RGP1: variants seen among roughly 807,000 people sequenced by gnomAD.
The protein encoded by RGP1 is RAB6A-GEF complex partner protein 2.
Under a neutral mutation model 44.5 loss-of-function variants are expected in RGP1, and 28 were observed. The observed-to-expected ratio is 0.63, with a 90% CI of 0.47 to 0.86. RGP1 has a LOEUF of 0.86. Ranked by LOEUF, RGP1 falls within the 40% of genes least tolerant of loss-of-function variation. RGP1 has a pLI of 0.00. For missense variants in RGP1, 417 were observed against 490.7 expected, an observed-to-expected ratio of 0.85 and a Z score of 1.42; for synonymous variants, 212 against 196.7, an observed-to-expected ratio of 1.08 and a Z score of -0.65.
intron 2 of RGP1, 57 bp from the exon 3 acceptor site, chr9:35,750,186 G>A: frequency 1.3e-6 from 2 of 1,574,434 alleles, no homozygotes; most frequent in Non-Finnish European, 1.7e-6. Flanking sequence ...GGGAGCTTGG[G>A]AAAGCATTTG....
downstream of RGP1, among the ~76,000 whole-genome samples, chr9:35,759,869 T>G (rs1410444375): frequency 6.6e-6 from 1 of 151,966 alleles, no homozygotes; most frequent in Non-Finnish European, 1.5e-5. Context: ...AGATCTACAC[T>G]TGATGAATCC....
At chr9:35,761,704 A>C (rs571308470), downstream of RGP1, among the ~76,000 whole-genome samples, 19 of 152,136 alleles carry the variant, frequency 1.2e-4, no homozygotes, top group African/African-American at 2.7e-4. Context: ...AAAAAACCCC[A>C]AAAAAACAAA....
Position 35,758,198 on chromosome 9 carries a change from A to C in RGP1, c.*5324A>C, listed in dbSNP as rs531267214. Reference sequence around the variant, plus strand: ...AACCTGCCCTTTATATTTTGAACCAAATAAAACATTTCTTGGAATGGGAGC... The same window carrying C: ...AACCTGCCCTTTATATTTTGAACCACATAAAACATTTCTTGGAATGGGAGC... On this transcript the variant is annotated 3_prime_UTR_variant, in exon 9 of 9. Coordinates refer to ENST00000378078, the MANE Select transcript of RGP1 (RefSeq NM_001080496.3). The C allele has an allele frequency of 9.2e-5, 14 of 152,278 alleles. No homozygotes were observed. The South Asian group carries it at 2.9e-3, about 32-fold the overall frequency. 9.4% of individuals were successfully genotyped at this position (152,278 alleles called of 1,614,324 possible). A position where few individuals can be genotyped will look rare whatever the true frequency, so the allele number is the denominator to read the frequency against.
In RGP1 at chr9:35,749,321, C is replaced by CGCA. The variant is rs553626851; in HGVS notation, c.-105_-104insAGC. On this transcript the variant is annotated 5_prime_UTR_variant, in exon 1 of 9. Transcript: ENST00000378078. This position sits in a 1 kb window ranked among gnomAD's most constrained non-coding sequence, Gnocchi z 4.4. ...TCTACCGCCCAGCGGACGCCGCCGC[C>CGCA]GCCGCCGCCGCCGCGTACCTAGCCA... The CGCA allele has an allele frequency of 2.2e-4, 114 of 526,174 alleles. No individual in the cohort carries two copies. Among genetic ancestry groups the CGCA allele is most frequent in the African/African-American group, 2.1e-3 (110 of 51,916 alleles). The allele number at this position is 526,174 out of a possible 1,614,324, so 32.6% of individuals were successfully genotyped here.
Position 35,749,918 on chromosome 9 carries a change from A to G in RGP1, c.116+47A>G. ...GTGGTGGCCCTTCTGGGAAGAAGCC[A>G]GATTATCTCTGGGGCTGAGGCAGAG... On this transcript the variant is annotated intron_variant, in intron 2 of 8. Coordinates refer to ENST00000378078, the MANE Select transcript of RGP1 (RefSeq NM_001080496.3). This position sits in a 1 kb window ranked among gnomAD's most constrained non-coding sequence, Gnocchi z 4.4. 7.1e-7 allele frequency: 1 copy of G among 1,408,720 alleles called. No homozygotes were observed. Among genetic ancestry groups the G allele is most frequent in the Non-Finnish European group, 1.0e-6 (1 of 1,000,722 alleles). The allele number at this position is 1,408,720 out of a possible 1,614,324, so 87.3% of individuals were successfully genotyped here.
At chr9:35,780,046 ATT>A in the RGP1 span, among the ~76,000 whole-genome samples, 1 of 152,332 alleles carries the variant, frequency 6.6e-6, no homozygotes, top group Non-Finnish European at 1.5e-5. Context: ...GAAAGATAGC[ATT>A]TTGACATCTG....
rs763981574 is a variant in RGP1 at position 35,751,720 on chromosome 9, T to G, written c.728T>G (p.Leu243Ter). The G allele has an allele frequency of 6.2e-7, 1 of 1,613,898 alleles. No homozygotes were observed. The highest frequency in any genetic ancestry group is 1.1e-5 in the South Asian group (1 of 91,084). Residue 243 changes from leucine (L) to a stop codon, truncating the protein, a stop_gained, in exon 7 of 9, where the codon TTA (leucine) becomes TGA (stop). Coordinates refer to ENST00000378078, the MANE Select transcript of RGP1 (RefSeq NM_001080496.3). LOFTEE classifies it high-confidence loss of function. ...YRLGEDVVGT[L>*]NLGEGTVACL... Reference sequence around the variant, plus strand: ...CTTGGCGAGGACGTGGTGGGGACCTTAAACTTAGGGGAAGGAACCGTAGCT... The same window carrying G: ...CTTGGCGAGGACGTGGTGGGGACCTGAAACTTAGGGGAAGGAACCGTAGCT...
chr9:35,758,939 T>C (rs1827394719), downstream of RGP1, among the ~76,000 whole-genome samples: 1 of 152,228 alleles, frequency 6.6e-6, no homozygotes, highest in Admixed American at 6.5e-5. Context: ...GGCTTGATTG[T>C]TTATTCTGCA....
At position 35,751,354 on chromosome 9, in the gene RGP1, A is replaced by G. The variant is rs2132033746; in HGVS notation, c.576A>G (p.Ser192=). ...AGGATGAAGGTGGGAAGAAAGATTC[A>G]TGGCTAGCTGAGCTGGCTGGGGAAC... ...LEEDEGGKKD[S]WLAELAGERL... The change falls in exon 6 of 9, where the codon TCA becomes TCG. Residue 192 remains serine (S), a synonymous_variant. Coordinates refer to ENST00000378078, the MANE Select transcript of RGP1 (RefSeq NM_001080496.3). The G allele has an allele frequency of 6.2e-7, 1 of 1,613,936 alleles. No homozygotes were observed. The highest frequency in any genetic ancestry group is 8.5e-7 in the Non-Finnish European group (1 of 1,179,874).
rs1036871868 is a variant in RGP1 at position 35,758,476 on chromosome 9, G to A, written c.*5602G>A. 6.6e-6 allele frequency: 1 copy of A among 152,088 alleles called. No individual in the cohort carries two copies. The highest frequency in any genetic ancestry group is 1.5e-5 in the Non-Finnish European group (1 of 68,028). 9.4% of individuals were successfully genotyped at this position (152,088 alleles called of 1,614,324 possible). Reference sequence around the variant, plus strand: ...AATTCTGCCATGATCCTTATGATCTGTGTTATGTTGGGCCAAAGGTGATTA... The same window carrying A: ...AATTCTGCCATGATCCTTATGATCTATGTTATGTTGGGCCAAAGGTGATTA... On this transcript the variant is annotated 3_prime_UTR_variant, in exon 9 of 9. Coordinates refer to ENST00000378078, the MANE Select transcript of RGP1 (RefSeq NM_001080496.3).
chr9:35,785,197 A>T, the RGP1 span, among the ~76,000 whole-genome samples: 2 of 152,180 alleles, frequency 1.3e-5, no homozygotes. Context: ...CTCAGGCAGA[A>T]CAGTTTTGGG....
At chr9:35,768,300 G>T in the RGP1 span, among the ~76,000 whole-genome samples, 9 of 152,050 alleles carry the variant, frequency 5.9e-5, no homozygotes, top group African/African-American at 1.9e-4. Flanking sequence ...GAGCTCAAGC[G>T]ATCCACCCAC....
rs1427560097 is a variant in RGP1 at position 35,752,154 on chromosome 9, C to T, written c.952+9C>T. 2 of 1,538,260 alleles carry T rather than the reference C, an allele frequency of 1.3e-6. No homozygotes were observed. Among genetic ancestry groups the T allele is most frequent in the Non-Finnish European group, 1.7e-6 (2 of 1,144,400 alleles). ...CTTCTGTACAGCCATTGGTGAGACC[C>T]TCACTGTTACTGGAGAAGGGAGAGG... On this transcript the variant is annotated intron_variant, in intron 8 of 8. Transcript: ENST00000378078.
At position 35,753,783 on chromosome 9, in the gene RGP1, G is replaced by A; in HGVS notation, c.*909G>A. ...GTGACAGGGGGCTAGGGAAGAACGGGAAATGTTAGTAGGTGTAGGAGTGCT... is the reference window on the plus strand; with the variant it reads ...GTGACAGGGGGCTAGGGAAGAACGGAAAATGTTAGTAGGTGTAGGAGTGCT... On this transcript the variant is annotated 3_prime_UTR_variant, in exon 9 of 9. Transcript: ENST00000378078. This position sits in a 1 kb window ranked among gnomAD's most constrained non-coding sequence, Gnocchi z 4.2. The A allele has an allele frequency of 2.5e-6, 4 of 1,609,370 alleles. No individual in the cohort carries two copies. Among genetic ancestry groups the A allele is most frequent in the Non-Finnish European group, 3.4e-6 (4 of 1,175,782 alleles).
In RGP1 at chr9:35,753,747, T is replaced by C. The variant is rs745500055; in HGVS notation, c.*873T>C. The C allele has an allele frequency of 1.5e-5, 24 of 1,613,884 alleles. No homozygotes were observed. Among genetic ancestry groups the C allele is most frequent in the Non-Finnish European group, 1.7e-5 (20 of 1,179,972 alleles). ...CCAAGACTCACCCAGGGTAAAATAT[T>C]TCCCCTCATAGTGACAGGGGGCTAG... On this transcript the variant is annotated 3_prime_UTR_variant, in exon 9 of 9. Transcript: ENST00000378078. The surrounding 1 kb of genome is among the most constrained non-coding windows in gnomAD (Gnocchi z 4.2).
rs1208965821 is a variant in RGP1 at position 35,753,275 on chromosome 9, T to A, written c.*401T>A. 2 of 1,613,440 alleles carry A rather than the reference T, an allele frequency of 1.2e-6. No individual in the cohort carries two copies. Among genetic ancestry groups the A allele is most frequent in the African/African-American group, 1.3e-5 (1 of 74,912 alleles). On this transcript the variant is annotated 3_prime_UTR_variant, in exon 9 of 9. Transcript: ENST00000378078. This position sits in a 1 kb window ranked among gnomAD's most constrained non-coding sequence, Gnocchi z 4.2. ...CCCAGCCGGGAAGTCGATGGGATGC[T>A]GGGACCTGGGGAACCAAGGATAGGG...
At chr9:35,776,789 A>T in the RGP1 span, among the ~76,000 whole-genome samples, 2 of 151,594 alleles carry the variant, frequency 1.3e-5, no homozygotes, top group African/African-American at 4.8e-5. Flanking sequence ...AGGTCAGGAG[A>T]TCGAGACCAT....
chr9:35,750,498 A>T, intron 3 of RGP1, 119 bp downstream of exon 3: 4 of 1,348,158 alleles, frequency 3.0e-6, no homozygotes, highest in South Asian at 2.6e-5. Context: ...CATGCTGGGG[A>T]TGTTGGGGAG....
rs758169456 is a variant in RGP1 at position 35,749,730 on chromosome 9, C to T, written c.-19-7C>T. On this transcript the variant is annotated splice_polypyrimidine_tract_variant and splice_region_variant and intron_variant, in intron 1 of 8. Transcript: ENST00000378078. This position sits in a 1 kb window ranked among gnomAD's most constrained non-coding sequence, Gnocchi z 4.4. ...GCTGACCTCCGCCCCGCCTTGTTTC[C>T]TTCTAGATCTGATTCCGGAGCTGCC... 5 of 1,556,460 alleles carry T rather than the reference C, an allele frequency of 3.2e-6. No individual in the cohort carries two copies. Among genetic ancestry groups the T allele is most frequent in the African/African-American group, 2.7e-5 (2 of 73,696 alleles).
Sources: gnomAD v4.1 joint callset for allele counts (sites outside exome capture counted in the v4.1 genomes callset) on GRCh38, gnomAD v4.1.1 for gene constraint, Gnocchi (gnomAD v3.1) non-coding constraint, MANE v1.5 for transcripts, NCBI Gene and HGNC (gene_info 2026-07-23, HGNC 2026-07-21) for gene names.